ELMO1: variants seen among roughly 807,000 people sequenced by gnomAD.
ELMO1 encodes the protein engulfment and cell motility protein 1.
Under a neutral mutation model 98.9 loss-of-function variants are expected in ELMO1, and 26 were observed. The ratio of observed to expected loss-of-function variants is 0.26; its 90% CI spans 0.19 to 0.36. The LOEUF is 0.36. ELMO1 is among the 10% of genes least tolerant of loss of function. ELMO1 has a pLI of 1.00. For synonymous variants in ELMO1, 346 were observed against 346.0 expected (o/e 1.00, Z 0.00); for missense variants, 627 against 935.2 (o/e 0.67, Z 4.30).
chr7:37,254,621 G>A (rs2130769471), intron 6 of ELMO1, among the ~76,000 whole-genome samples: 2 of 152,256 alleles, frequency 1.3e-5, no homozygotes. Flanking sequence ...AAATATTTGT[G>A]TATCTAAACA....
rs1480492156 is a variant in ELMO1 at position 37,244,388 on chromosome 7, T to A, written c.417A>T (p.Arg139=). 12 of 1,612,848 alleles carry A rather than the reference T, an allele frequency of 7.4e-6. No individual in the cohort carries two copies. The highest frequency in any genetic ancestry group is 1.0e-5 in the Non-Finnish European group (12 of 1,179,738). ...TCATGATCTTCTGCAATTTCTGGTA[T>A]CGCCTGCAAAATTTAAAAACAACCA... ...LTQMVESGTE[R]YQKLQKIMKP... Residue 139 remains arginine, a synonymous_variant, in exon 7 of 22, where the codon CGA becomes CGT. Transcript: ENST00000310758.
At chr7:37,412,939 C>G (rs1283648476) in intron 1 of ELMO1, among the ~76,000 whole-genome samples, 1 of 152,130 alleles carries the variant, frequency 6.6e-6, no homozygotes, top group Admixed American at 6.5e-5. Context: ...GACTGCAGCC[C>G]CAGCTGACAT....
intron 6 of ELMO1, among the ~76,000 whole-genome samples, chr7:37,253,590 T>C (rs1481782662): frequency 6.6e-6 from 1 of 151,820 alleles, no homozygotes; most frequent in African/African-American, 2.4e-5. Context: ...GGTGAGAGGC[T>C]AGGGTAGGGA....
chr7:37,330,726 A>G (rs1051796308), intron 2 of ELMO1, among the ~76,000 whole-genome samples: 1 of 152,220 alleles, frequency 6.6e-6, no homozygotes, highest in Admixed American at 6.5e-5. Flanking sequence ...CAGAAAGAAG[A>G]TTCATTCTTA....
intron 20 of ELMO1, among the ~76,000 whole-genome samples, chr7:36,866,062 T>C (rs940162475): frequency 9.9e-5 from 15 of 152,218 alleles, no homozygotes; most frequent in Admixed American, 5.2e-4. Context: ...ATACACCAAA[T>C]ATACTCCTAT....
At position 36,895,084 on chromosome 7, in the gene ELMO1, G is replaced by A. The variant is rs574320132; in HGVS notation, c.1438-67C>T. The A allele has an allele frequency of 4.4e-4, 691 of 1,579,246 alleles. 1 individual carries two copies. In the African/African-American group the frequency reaches 8.2e-3, roughly 19 times the overall value. ...CTTTCCCATTCAGAAAAGTCTTTCC[G>A]AGTTAAGGGCTCCCTGCTTCCCTGG... On this transcript the variant is annotated intron_variant, in intron 16 of 21. Coordinates refer to ENST00000310758, the MANE Select transcript of ELMO1 (RefSeq NM_014800.11).
intron 1 of ELMO1, among the ~76,000 whole-genome samples, chr7:37,412,989 C>T (rs992095349): frequency 6.6e-6 from 1 of 152,158 alleles, no homozygotes; most frequent in Non-Finnish European, 1.5e-5. Context: ...CCAGAACCAC[C>T]TGGCTAAGCT....
At chr7:37,149,778 CA>C (rs1339855635) in intron 13 of ELMO1, among the ~76,000 whole-genome samples, 1 of 152,138 alleles carries the variant, frequency 6.6e-6, no homozygotes. Flanking sequence ...AGTCCTTGTA[CA>C]AAGTTAAAAA....
In ELMO1 at chr7:37,124,028, G is replaced by A. The variant is rs973500215; in HGVS notation, c.1191+9102C>T. ...AATCCAGCATACAAACAGAACCAAC[G>A]ACAAAAACCACATGATTACCTCAAC... On this transcript the variant is annotated intron_variant, in intron 14 of 21. Transcript: ENST00000310758. Among the ~76,000 whole-genome samples the A allele has an allele frequency of 3.3e-5, 5 of 152,228 alleles. No individual in the cohort carries two copies. In the East Asian group the frequency reaches 9.6e-4, roughly 29 times the overall value.
At chr7:37,080,918 C>T (rs1329865961) in intron 15 of ELMO1, among the ~76,000 whole-genome samples, 1 of 152,110 alleles carries the variant, frequency 6.6e-6, no homozygotes, top group African/African-American at 2.4e-5. Context: ...TGGCCCACTT[C>T]CTCACTTCAT....
intron 16 of ELMO1, 134 bp from the exon 17 acceptor site, chr7:36,895,151 T>C: frequency 1.0e-6 from 1 of 969,438 alleles, no homozygotes; most frequent in Non-Finnish European, 1.5e-6. Context: ...TGAGCATGCT[T>C]TTCCAAAACA....
At chr7:37,079,228 A>T (rs1171979333) in intron 15 of ELMO1, among the ~76,000 whole-genome samples, 1 of 152,124 alleles carries the variant, frequency 6.6e-6, no homozygotes, top group African/African-American at 2.4e-5. Context: ...CTTGACTATA[A>T]CTTCCCTTTC....
At position 36,865,722 on chromosome 7, in the gene ELMO1, AT is replaced by A. The variant is rs1201523041; in HGVS notation, c.1906-3987del. Among the ~76,000 whole-genome samples the A allele has an allele frequency of 1.7e-4, 26 of 152,076 alleles. 1 individual carries two copies. In the South Asian group the frequency reaches 4.8e-3, roughly 28 times the overall value. The stretch of plus-strand genomic sequence containing the variant: ...TCAACTCTCCCAGGCTCCATGTTTA[AT>A]TTTTTTTGGCATAGACATATTGAAT... On this transcript the variant is annotated intron_variant, in intron 20 of 21. Transcript: ENST00000310758.
At chr7:37,277,382 G>C (rs189246576) in intron 4 of ELMO1, among the ~76,000 whole-genome samples, 1 of 152,192 alleles carries the variant, frequency 6.6e-6, no homozygotes, top group Admixed American at 6.5e-5. Context: ...CAGGGGAGAA[G>C]AGGAAACAGC....
At chr7:37,219,389 C>T (rs1316958203) in intron 10 of ELMO1, among the ~76,000 whole-genome samples, 2 of 152,064 alleles carry the variant, frequency 1.3e-5, no homozygotes, top group African/African-American at 4.8e-5. Flanking sequence ...ATGTGTCTGG[C>T]CCCAAGTCAA....
intron 13 of ELMO1, among the ~76,000 whole-genome samples, chr7:37,138,689 TAGAG>T (rs1220801661): frequency 1.3e-5 from 2 of 152,072 alleles, no homozygotes; most frequent in Non-Finnish European, 2.9e-5. Flanking sequence ...TTCCAAAAGA[TAGAG>T]AGAGAGGGAA....
chr7:37,005,522 T>C (rs1793018954), intron 16 of ELMO1, among the ~76,000 whole-genome samples: 1 of 151,930 alleles, frequency 6.6e-6, no homozygotes, highest in Non-Finnish European at 1.5e-5. Context: ...TGAAACCCCA[T>C]CTGTACTAAA....
chr7:37,092,060 G>A (rs1444633141), intron 15 of ELMO1, among the ~76,000 whole-genome samples: 1 of 152,098 alleles, frequency 6.6e-6, no homozygotes, highest in Non-Finnish European at 1.5e-5. Context: ...TCTTCTGACT[G>A]GGGCTGCCAA....
Position 36,870,269 on chromosome 7 carries a change from A to G in ELMO1, c.1905+124T>C, listed in dbSNP as rs1803395204. 2.7e-6 allele frequency: 2 copies of G among 742,216 alleles called. No individual in the cohort carries two copies. Among genetic ancestry groups the G allele is most frequent in the East Asian group, 2.6e-5 (1 of 38,130 alleles). 46.0% of individuals were successfully genotyped at this position (742,216 alleles called of 1,614,324 possible). On this transcript the variant is annotated intron_variant, in intron 20 of 21. Transcript: ENST00000310758. This position sits in a 1 kb window ranked among gnomAD's most constrained non-coding sequence, Gnocchi z 4.4. Reference sequence around the variant, plus strand: ...TCGGGACAGGAAACAGGAGAGCTGAATAAGAGATGTGTGTCTGAACACACG... The same window carrying G: ...TCGGGACAGGAAACAGGAGAGCTGAGTAAGAGATGTGTGTCTGAACACACG...
Sources: gnomAD v4.1 joint callset for allele counts (sites outside exome capture counted in the v4.1 genomes callset) on GRCh38, gnomAD v4.1.1 for gene constraint, Gnocchi (gnomAD v3.1) non-coding constraint, MANE v1.5 for transcripts, NCBI Gene and HGNC (gene_info 2026-07-23, HGNC 2026-07-21) for gene names.